PCNX3: variants seen among roughly 807,000 people sequenced by gnomAD.
The protein encoded by PCNX3 is pecanex 3.
In PCNX3, 58 loss-of-function variants were observed where a neutral mutation model predicts 207.2. The ratio of observed to expected loss-of-function variants is 0.28; its 90% CI spans 0.23 to 0.35. PCNX3 has a LOEUF of 0.35. Among genes scored for constraint, PCNX3 ranks in the 10% least tolerant of loss-of-function variants. The pLI is 1.00. For missense variants in PCNX3, 2,410 were observed against 2,774.4 expected (o/e 0.87, Z 2.95); for synonymous variants, 1,337 against 1,183.5 (o/e 1.13, Z -2.66).
In PCNX3 at chr11:65,635,000, C is replaced by T. The variant is rs760953297; in HGVS notation, c.4833C>T (p.His1611=). The T allele has an allele frequency of 1.5e-5, 25 of 1,613,742 alleles. No individual in the cohort carries two copies. In the East Asian group the frequency reaches 3.3e-4, roughly 22 times the overall value. The change falls in exon 30 of 35, where the codon CAC becomes CAT. Residue 1611 remains histidine, a synonymous_variant. Coordinates refer to ENST00000355703, the MANE Select transcript of PCNX3 (RefSeq NM_032223.4). ...TGGAGCCCTTCCTCTACGGCCTGCA[C>T]GCCCTGTTCAAGGGGGATTTTCGCA... The part of the protein sequence containing the change: ...ASLEPFLYGL[H]ALFKGDFRIT...
At position 65,626,051 on chromosome 11, in the gene PCNX3, C is replaced by T. The variant is rs779493720; in HGVS notation, c.3376C>T (p.Arg1126Cys). 1.1e-5 allele frequency: 17 copies of T among 1,601,454 alleles called. No individual in the cohort carries two copies. Among genetic ancestry groups the T allele is most frequent in the Non-Finnish European group, 1.4e-5 (16 of 1,174,744 alleles). Residue 1126 changes from arginine to cysteine, a missense_variant, in exon 20 of 35, where the codon CGC (arginine) becomes TGC (cysteine). Coordinates refer to ENST00000355703, the MANE Select transcript of PCNX3 (RefSeq NM_032223.4). ...KPLEYSQYEV[R>C]GAAQVMWFEK... ...GCTGGAGTACAGCCAGTATGAAGTG[C>T]GCGGTGAGTGCCCACCCCTGATGGC...
rs760174638 is a variant in PCNX3 at position 65,636,517 on chromosome 11, C to T, written c.5720C>T (p.Pro1907Leu). ...CCCCCTCGGCTCCCTGGACCACCCC[C>T]TGCATCGCCTATCCCCACAGAGGGT... ...WPPPRLPGPPPASPIPTEGPR... is the reference protein window; with the variant it reads ...WPPPRLPGPPLASPIPTEGPR... The change falls in exon 34 of 35, where the codon CCT (proline) becomes CTT (leucine). Residue 1907 changes from proline (P) to leucine (L), a missense_variant. Pro to Leu is a moderately conservative substitution (Grantham distance 98). This residue lies in a region of PCNX3 where 278 missense variants were observed against 245.1 expected (regional missense o/e 1.13). Transcript: ENST00000355703. 1.9e-6 allele frequency: 3 copies of T among 1,584,936 alleles called. No homozygotes were observed. The highest frequency in any genetic ancestry group is 8.6e-7 in the Non-Finnish European group (1 of 1,167,478).
intron 10 of PCNX3, 57 bp from the exon 11 acceptor site, chr11:65,622,188 C>A: frequency 1.9e-6 from 3 of 1,553,200 alleles, no homozygotes; most frequent in East Asian, 2.4e-5. Context: ...CTGACGGCCG[C>A]GGCTGTGGGG....
chr11:65,623,727 T>G (rs1590882957), intron 12 of PCNX3, 83 bp downstream of exon 12: 2 of 1,558,466 alleles, frequency 1.3e-6, no homozygotes, highest in East Asian at 4.5e-5. Flanking sequence ...TTAAGGAGTA[T>G]AAGCTGAAAG....
At position 65,625,079 on chromosome 11, in the gene PCNX3, T is replaced by G. The variant is rs1482749730; in HGVS notation, c.2919+63T>G. 2 of 1,565,220 alleles carry G rather than the reference T, an allele frequency of 1.3e-6. No individual in the cohort carries two copies. Among genetic ancestry groups the G allele is most frequent in the Non-Finnish European group, 1.7e-6 (2 of 1,147,694 alleles). ...CGTAAGGGTGGTTGGGGCGGGGCTG[T>G]GAACTGGGCTCAGCAGTGGCTTCTC... On this transcript the variant is annotated intron_variant, in intron 16 of 34. Transcript: ENST00000355703. The surrounding 1 kb of genome is among the most constrained non-coding windows in gnomAD (Gnocchi z 5.6).
chr11:65,635,427 C>T lies in PCNX3; in HGVS notation c.5163C>T (p.His1721=), dbSNP rs1855791560. The T allele has an allele frequency of 6.2e-7, 1 of 1,611,454 alleles. No individual in the cohort carries two copies. The highest frequency in any genetic ancestry group is 8.5e-7 in the Non-Finnish European group (1 of 1,179,614). ...EYKIIMLNRR[H]LSFRVIKVNR... is the part of the protein sequence containing the mutation. The stretch of plus-strand genomic sequence containing the variant: ...AGATCATCATGCTCAACCGGCGCCA[C>T]CTCAGCTTCCGAGTCATCAAGGTTG... Residue 1721 remains histidine, a synonymous_variant, in exon 31 of 35, where the codon CAC becomes CAT. Transcript: ENST00000355703. The surrounding 1 kb of genome is among the most constrained non-coding windows in gnomAD (Gnocchi z 9.9).
intron 5 of PCNX3, 43 bp downstream of exon 5, chr11:65,617,749 C>T (rs1246710110): frequency 1.9e-6 from 3 of 1,543,500 alleles, no homozygotes; most frequent in Non-Finnish European, 2.6e-6. Context: ...GCTAGACCAG[C>T]TGTTTCGTTG....
At chr11:65,626,644 T>C (rs1855405591) in intron 20 of PCNX3, 4 of 538,374 alleles carry the variant, frequency 7.4e-6, no homozygotes, top group Non-Finnish European at 1.0e-5. Context: ...CGTAGGTGTT[T>C]GCGATTTCAT....
At chr11:65,629,826 C>G in intron 26 of PCNX3, 91 bp downstream of exon 26, 1 of 1,365,610 alleles carries the variant, frequency 7.3e-7, no homozygotes, top group South Asian at 1.3e-5. Context: ...GAGGTCCAGT[C>G]CAGCTCTGTC....
chr11:65,619,602 C>T lies in PCNX3; in HGVS notation c.1771C>T (p.Arg591Cys), dbSNP rs200187031. 2.6e-4 allele frequency: 411 copies of T among 1,606,634 alleles called. No homozygotes were observed. The highest frequency in any genetic ancestry group is 3.3e-4 in the Non-Finnish European group (387 of 1,178,864). ...GAGGCGGACCCAGGCCATTCGGAGA[C>T]GCCACAATGCAGGCAGCAACCCCAC... is the stretch of plus-strand genomic sequence containing the variant. The part of the protein sequence containing the change: ...SVRRTQAIRR[R>C]HNAGSNPTPP... Residue 591 changes from arginine to cysteine, a missense_variant, in exon 7 of 35, where the codon CGC becomes TGC. Coordinates refer to ENST00000355703, the MANE Select transcript of PCNX3 (RefSeq NM_032223.4).
rs781065504 is a variant in PCNX3 at position 65,619,557 on chromosome 11, C to T, written c.1726C>T (p.Arg576Trp). ...GGCAGCGGCCGAGGAGACTGGCAGG[C>T]GGGACCGCTCAAGCAGTGTGAGGCG... Reference protein sequence around the residue: ...VGGAAEETGRRDRSSSVRRTQ... With the variant: ...VGGAAEETGRWDRSSSVRRTQ... The change falls in exon 7 of 35, where the codon CGG (arginine) becomes TGG (tryptophan). Residue 576 changes from arginine (R) to tryptophan (W), a missense_variant. Arg to Trp is a moderately radical substitution (Grantham distance 101, BLOSUM62 -3). This residue lies in a region of PCNX3 where 1,104 missense variants were observed against 970.3 expected (regional missense o/e 1.14). Transcript: ENST00000355703. 4.3e-5 allele frequency: 69 copies of T among 1,609,492 alleles called. No homozygotes were observed. The highest frequency in any genetic ancestry group is 9.3e-5 in the African/African-American group (7 of 74,918).
At position 65,616,120 on chromosome 11, in the gene PCNX3, A is replaced by G. The variant is rs2135387746; in HGVS notation, c.-192A>G. ...CACCCCCGCGTCCGGGCCTTGCACC[A>G]CTGACTGTCCCGGCCGGCCCCGCCC... On this transcript the variant is annotated 5_prime_UTR_variant, in exon 1 of 35. Coordinates refer to ENST00000355703, the MANE Select transcript of PCNX3 (RefSeq NM_032223.4). 1 of 376,994 alleles carries G rather than the reference A, an allele frequency of 2.7e-6. No individual in the cohort carries two copies. The highest frequency in any genetic ancestry group is 4.6e-6 in the Non-Finnish European group (1 of 215,964). 23.4% of individuals were successfully genotyped at this position (376,994 alleles called of 1,614,324 possible).
At chr11:65,623,775 C>T (rs1277322943) in intron 12 of PCNX3, 131 bp downstream of exon 12, 1 of 1,518,736 alleles carries the variant, frequency 6.6e-7, no homozygotes, top group Non-Finnish European at 9.0e-7. Context: ...AGCTGGCCAG[C>T]TCTTTTACAA....
In PCNX3 at chr11:65,625,314, C is replaced by CA. The variant is rs1565163041; in HGVS notation, c.3029+34_3029+35insA. 1 of 1,594,518 alleles carries CA rather than the reference C, an allele frequency of 6.3e-7. No individual in the cohort carries two copies. The highest frequency in any genetic ancestry group is 2.2e-5 in the East Asian group (1 of 44,748). ...GCTCCGGGTCGTGTGTTTGTGTCTG[C>CA]CCAGTAGGGGTTTGTGGTCTGTGCA... On this transcript the variant is annotated intron_variant, in intron 17 of 34. Transcript: ENST00000355703. This position sits in a 1 kb window ranked among gnomAD's most constrained non-coding sequence, Gnocchi z 5.6.
rs781299274 is a variant in PCNX3 at position 65,617,232 on chromosome 11, G to A, written c.342-18G>A. The stretch of plus-strand genomic sequence containing the variant: ...GAGGAGAGGTTAGCTCAAAGCTGCT[G>A]CTCTTTTTCACCGCCAGGGACCCCG... On this transcript the variant is annotated intron_variant, in intron 2 of 34. Coordinates refer to ENST00000355703, the MANE Select transcript of PCNX3 (RefSeq NM_032223.4). 1.3e-6 allele frequency: 2 copies of A among 1,587,098 alleles called. No individual in the cohort carries two copies. Among genetic ancestry groups the A allele is most frequent in the African/African-American group, 1.3e-5 (1 of 74,286 alleles).
intron 7 of PCNX3, 33 bp downstream of exon 7, chr11:65,619,693 CG>C: frequency 6.4e-7 from 1 of 1,573,354 alleles, no homozygotes; most frequent in Non-Finnish European, 8.6e-7. Context: ...CGAGGGGCAC[CG>C]GGGGCCGGGG....
Position 65,624,277 on chromosome 11 carries a change from G to T in PCNX3, c.2627G>T (p.Gly876Val). ...CLLIWLLDAL[G>V]SAQPFPPVSL... ...CTCATCTGGCTGCTGGACGCCCTGG[G>T]CTCAGCTCAGCCCTTCCCACCTGTC... The change falls in exon 14 of 35, where the codon GGC (glycine) becomes GTC (valine). Residue 876 changes from glycine to valine, a missense_variant. Gly to Val is a moderately radical substitution (Grantham distance 109). Transcript: ENST00000355703. 6.3e-7 allele frequency: 1 copy of T among 1,595,872 alleles called. No homozygotes were observed.
At chr11:65,631,335 G>A (rs555080703) in intron 27 of PCNX3, among the ~76,000 whole-genome samples, 66 of 152,288 alleles carry the variant, frequency 4.3e-4, no homozygotes, top group African/African-American at 1.5e-3. Flanking sequence ...AGAAGTGGGG[G>A]TTATTGCAGT....
chr11:65,633,702 G>A (rs1855710050), intron 27 of PCNX3, among the ~76,000 whole-genome samples: 1 of 152,222 alleles, frequency 6.6e-6, no homozygotes, highest in African/African-American at 2.4e-5. Flanking sequence ...GCGGGTGGGG[G>A]ACAGGGTTCA....
Sources: allele counts gnomAD v4.1 joint callset (sites outside exome capture counted in the v4.1 genomes callset), GRCh38; gene constraint gnomAD v4.1.1; regional missense constraint gnomAD v4.1.1; non-coding constraint Gnocchi (gnomAD v3.1); transcripts MANE v1.5; gene names NCBI Gene and HGNC (gene_info 2026-07-23, HGNC 2026-07-21).